Variants in TECPR1 observed in about 807,000 individuals in gnomAD.
TECPR1 encodes the protein tectonin beta-propeller repeat containing 1.
In TECPR1, 122 loss-of-function variants were observed where a neutral mutation model predicts 162.4. The ratio of observed to expected loss-of-function variants is 0.75; its 90% CI spans 0.65 to 0.87. The LOEUF is 0.87. Among genes scored for constraint, TECPR1 ranks in the 40% least tolerant of loss-of-function variants. The pLI, the probability that TECPR1 is intolerant of heterozygous loss-of-function variation, is 0.00. For missense variants in TECPR1, 1,432 were observed against 1,618.2 expected, an observed-to-expected ratio of 0.88 and a Z score of 1.97; for synonymous variants, 642 against 670.6, an observed-to-expected ratio of 0.96 and a Z score of 0.66.
chr7:98,222,930 T>C, intron 21 of TECPR1, 60 bp downstream of exon 21: 6 of 1,586,646 alleles, frequency 3.8e-6, no homozygotes, highest in Non-Finnish European at 5.1e-6. Flanking sequence ...GTCTGAGCCC[T>C]GCCGGACTCC....
chr7:98,247,991 G>A lies in TECPR1; in HGVS notation c.-19-1826C>T, dbSNP rs200545096. ...TCCTCCCACCTTGGCCTCCCGAAGC[G>A]CTGGGATTATAGACGTGAGCCACTG... On this transcript the variant is annotated intron_variant, in intron 2 of 25. Transcript: ENST00000447648. Among the ~76,000 whole-genome samples the A allele has an allele frequency of 1.1e-4, 16 of 152,302 alleles. No homozygotes were observed. In the South Asian group the frequency reaches 1.5e-3, roughly 14 times the overall value.
At chr7:98,236,598 G>A (rs1301690030) in intron 10 of TECPR1, among the ~76,000 whole-genome samples, 178 bp downstream of exon 10, 3 of 151,476 alleles carry the variant, frequency 2.0e-5, no homozygotes. Flanking sequence ...CTCTCTGTGG[G>A]ACCGAGGCAG....
At chr7:98,217,609 AGTCCCACAGTGGTC>A in intron 25 of TECPR1, 69 bp downstream of exon 25, 1 of 1,524,522 alleles carries the variant, frequency 6.6e-7, no homozygotes, top group Non-Finnish European at 8.8e-7. Flanking sequence ...CCCAGGGGAC[AGTCCCACAGTGGTC>A]GTCCCGTCTT....
chr7:98,233,760 C>G lies in TECPR1; in HGVS notation c.1333G>C (p.Ala445Pro). 4 of 1,612,644 alleles carry G rather than the reference C, an allele frequency of 2.5e-6. No individual in the cohort carries two copies. The highest frequency in any genetic ancestry group is 3.4e-6 in the Non-Finnish European group (4 of 1,179,780). The change falls in exon 11 of 26, where the codon GCC (alanine) becomes CCC (proline). Residue 445 changes from alanine (A) to proline (P), a missense_variant. Transcript: ENST00000447648. ...DDSKNATGNSASGLGAGRTAE... is the reference protein window; with the variant it reads ...DDSKNATGNSPSGLGAGRTAE... ...GTCCTGCCAGCCCCCAGGCCTGAGG[C>G]TGAGTTCCCTGTGGCATTCTTGGAA...
Position 98,241,700 on chromosome 7 carries a change from C to G in TECPR1, c.658-456G>C, listed in dbSNP as rs1050147571. On this transcript the variant is annotated intron_variant, in intron 6 of 25. Coordinates refer to ENST00000447648, the MANE Select transcript of TECPR1 (RefSeq NM_015395.3). The surrounding 1 kb of genome is among the most constrained non-coding windows in gnomAD (Gnocchi z 5.0). The stretch of plus-strand genomic sequence containing the variant: ...CTCAGAGCGTCTGAACTGTTTGGCT[C>G]ATTTTAGCTGGGGGAGACTACATGT... Among the ~76,000 whole-genome samples the G allele has an allele frequency of 6.6e-6, 1 of 152,204 alleles. No homozygotes were observed. Among genetic ancestry groups the G allele is most frequent in the African/African-American group, 2.4e-5 (1 of 41,454 alleles).
At chr7:98,237,269 C>A (rs1341367440) in intron 9 of TECPR1, among the ~76,000 whole-genome samples, 2 of 152,072 alleles carry the variant, frequency 1.3e-5, no homozygotes, top group Non-Finnish European at 2.9e-5. Context: ...CCCCAGTGAA[C>A]CCAGAGGTGG....
Position 98,235,442 on chromosome 7 carries a change from G to A in TECPR1, c.1181+1334C>T, listed in dbSNP as rs571480034. On this transcript the variant is annotated intron_variant, in intron 10 of 25. Transcript: ENST00000447648. ...CGGGAGGCTGAGGTAGGAGAATGGC[G>A]TGAACCCTGGAGGTGGAGCTTGCAG... is the stretch of plus-strand genomic sequence containing the variant. 9.3e-5 allele frequency among the ~76,000 whole-genome samples: 14 copies of A among 150,520 alleles called. 1 individual carries two copies. In the South Asian group the frequency reaches 2.3e-3, roughly 25 times the overall value.
intron 25 of TECPR1, 71 bp from the exon 26 acceptor site, chr7:98,217,574 C>G (rs1220380271): frequency 6.5e-6 from 10 of 1,539,404 alleles, no homozygotes; most frequent in African/African-American, 1.4e-5. Flanking sequence ...TGCCTGGGGG[C>G]CTCCCTGCAA....
chr7:98,232,889 G>A lies in TECPR1; in HGVS notation c.1756C>T (p.Leu586Phe). ...AAWRKQIFQQ[L>F]TERTKRELEN... ...AGCTCCCGCTTGGTCCTTTCCGTGA[G>A]CTGCTGGAAGATCTGCTTCCTCCAG... Residue 586 changes from leucine to phenylalanine, a missense_variant, in exon 12 of 26, where the codon CTC becomes TTC. Transcript: ENST00000447648. This position sits in a 1 kb window ranked among gnomAD's most constrained non-coding sequence, Gnocchi z 4.6. The A allele has an allele frequency of 1.2e-6, 2 of 1,613,012 alleles. No homozygotes were observed. Among genetic ancestry groups the A allele is most frequent in the South Asian group, 2.2e-5 (2 of 91,072 alleles).
intron 23 of TECPR1, among the ~76,000 whole-genome samples, chr7:98,218,863 T>C (rs1461567305): frequency 6.6e-6 from 1 of 152,202 alleles, no homozygotes; most frequent in Admixed American, 6.5e-5. Context: ...ACTGTCATCA[T>C]TTTTTACAGA....
intron 8 of TECPR1, 79 bp downstream of exon 8, chr7:98,240,772 G>A (rs577958713): frequency 1.7e-6 from 2 of 1,208,804 alleles, no homozygotes; most frequent in Non-Finnish European, 2.3e-6. Flanking sequence ...CCAGGCTGGA[G>A]TCCAGTGGTG....
Position 98,224,992 on chromosome 7 carries a change from C to T in TECPR1, c.2610+14G>A. On this transcript the variant is annotated intron_variant, in intron 18 of 25. Transcript: ENST00000447648. ...GGCGGATTCCCAACCCCCCAGGGGG[C>T]AGCGGGACCTCACCCAGGCCCACTG... 1 of 1,543,700 alleles carries T rather than the reference C, an allele frequency of 6.5e-7. No homozygotes were observed. The highest frequency in any genetic ancestry group is 1.4e-5 in the African/African-American group (1 of 72,752).
intron 8 of TECPR1, among the ~76,000 whole-genome samples, chr7:98,239,117 C>CTG (rs1170908400): frequency 2.0e-5 from 3 of 152,226 alleles, no homozygotes; most frequent in South Asian, 2.1e-4. Context: ...CCCAGACTGT[C>CTG]TGTGGCTCTG....
intron 6 of TECPR1, among the ~76,000 whole-genome samples, chr7:98,242,086 C>T (rs1197740274): frequency 6.6e-6 from 1 of 152,232 alleles, no homozygotes; most frequent in East Asian, 1.9e-4. Context: ...TCTGCCCGGC[C>T]CCTCGCCACC....
At chr7:98,221,866 T>C in intron 22 of TECPR1, 113 bp from the exon 23 acceptor site, 3 of 785,966 alleles carry the variant, frequency 3.8e-6, no homozygotes, top group Non-Finnish European at 6.3e-6. Context: ...TGGTGTCAGC[T>C]GTGTGCCACA....
chr7:98,229,135 T>C lies in TECPR1; in HGVS notation c.2314A>G (p.Met772Val). 6.4e-7 allele frequency: 1 copy of C among 1,564,462 alleles called. No homozygotes were observed. The highest frequency in any genetic ancestry group is 2.4e-5 in the East Asian group (1 of 41,750). Residue 772 changes from methionine to valine, a missense_variant, in exon 16 of 26, where the codon ATG (methionine) becomes GTG (valine). Coordinates refer to ENST00000447648, the MANE Select transcript of TECPR1 (RefSeq NM_015395.3). ...ACGCCCCGGCTGTTGGCCTCCACCA[T>C]CCGCAGGTGGCCTCCCATCTGCCGC... ...FWRQMGGHLR[M>V]VEANSRGVVW...
At chr7:98,231,738 C>A (rs953600573) in intron 13 of TECPR1, 66 bp downstream of exon 13, 1 of 1,563,576 alleles carries the variant, frequency 6.4e-7, no homozygotes, top group Non-Finnish European at 8.7e-7. Flanking sequence ...ATTTCTGTAC[C>A]CCTCCTCTAG....
At position 98,217,730 on chromosome 7, in the gene TECPR1, G is replaced by A. The variant is rs574174338; in HGVS notation, c.3346C>T (p.His1116Tyr). The change falls in exon 25 of 26, where the codon CAC becomes TAC. Residue 1116 changes from histidine to tyrosine, a missense_variant. Coordinates refer to ENST00000447648, the MANE Select transcript of TECPR1 (RefSeq NM_015395.3). ...TVCHRTGVQP[H>Y]EPKGHGWDYG... ...TCCCAGCCGTGGCCCTTGGGCTCGTGAGGCTGCACGCCGGTGCGATGACAC... is the reference window on the plus strand; with the variant it reads ...TCCCAGCCGTGGCCCTTGGGCTCGTAAGGCTGCACGCCGGTGCGATGACAC... The A allele has an allele frequency of 9.7e-6, 15 of 1,549,842 alleles. No individual in the cohort carries two copies. Among genetic ancestry groups the A allele is most frequent in the South Asian group, 6.0e-5 (5 of 84,016 alleles).
intron 10 of TECPR1, among the ~76,000 whole-genome samples, chr7:98,235,054 C>T (rs1798557987): frequency 6.6e-6 from 1 of 152,170 alleles, no homozygotes; most frequent in Non-Finnish European, 1.5e-5. Flanking sequence ...TTGATAATGT[C>T]CTTTTGATTC....
Sources: gnomAD v4.1 joint callset for allele counts (sites outside exome capture counted in the v4.1 genomes callset) on GRCh38, gnomAD v4.1.1 for gene constraint, Gnocchi (gnomAD v3.1) non-coding constraint, MANE v1.5 for transcripts, NCBI Gene and HGNC (gene_info 2026-07-23, HGNC 2026-07-21) for gene names.